The following SLCO2B1 variants were observed in gnomAD, a reference collection of about 807,000 sequenced individuals.
SLCO2B1 encodes the protein solute carrier organic anion transporter family member 2B1, also known as OATP-RP2.
SLCO2B1 carries 41 observed loss-of-function variants against 67.3 expected under a neutral mutation model. The ratio of observed to expected loss-of-function variants is 0.61; its 90% CI spans 0.47 to 0.79. The LOEUF (loss-of-function observed/expected upper bound fraction) is 0.79, where lower values mean the gene tolerates loss of function less well. SLCO2B1 is among the 30% of genes least tolerant of loss of function. The pLI is 0.00. For missense variants in SLCO2B1, 837 were observed against 920.1 expected (o/e 0.91, Z 1.17); for synonymous variants, 379 against 381.4 (o/e 0.99, Z 0.07).
At chr11:75,161,389 G>A (rs1014398186) in intron 1 of SLCO2B1, among the ~76,000 whole-genome samples, 4 of 152,174 alleles carry the variant, frequency 2.6e-5, no homozygotes, top group African/African-American at 9.7e-5. Context: ...CTTTGTAAAT[G>A]TACTAAAACC....
intron 7 of SLCO2B1, among the ~76,000 whole-genome samples, chr11:75,173,638 GGGTCACAAAACT>G (rs1016268359): frequency 6.6e-6 from 1 of 152,132 alleles, no homozygotes; most frequent in African/African-American, 2.4e-5. Flanking sequence ...GATTTGCCCA[GGGTCACAAAACT>G]GGTAGGAGAG....
At chr11:75,168,244 G>A (rs1949916460) in intron 4 of SLCO2B1, among the ~76,000 whole-genome samples, 1 of 152,138 alleles carries the variant, frequency 6.6e-6, no homozygotes, top group African/African-American at 2.4e-5. Flanking sequence ...GGCCCAGAGT[G>A]GGTAAGGGCC....
At chr11:75,177,948 G>A (rs1950045178) in intron 7 of SLCO2B1, among the ~76,000 whole-genome samples, 1 of 152,008 alleles carries the variant, frequency 6.6e-6, no homozygotes, top group Non-Finnish European at 1.5e-5. Context: ...ATAAAAATTA[G>A]CTGGGCATGA....
intron 7 of SLCO2B1, among the ~76,000 whole-genome samples, chr11:75,174,456 T>C (rs945113970): frequency 2.0e-5 from 3 of 151,900 alleles, no homozygotes; most frequent in African/African-American, 7.3e-5. Flanking sequence ...AGTGAGGGGA[T>C]AGAGGTGCAT....
intron 4 of SLCO2B1, among the ~76,000 whole-genome samples, chr11:75,167,253 G>A (rs923162073): frequency 2.8e-4 from 42 of 152,154 alleles, no homozygotes; most frequent in African/African-American, 9.9e-4. Flanking sequence ...ATGCAGAGTC[G>A]TTCTCTAGGC....
chr11:75,159,595 C>T (rs550712633), intron 1 of SLCO2B1, among the ~76,000 whole-genome samples: 4 of 152,158 alleles, frequency 2.6e-5, no homozygotes, highest in South Asian at 2.1e-4. Context: ...TTGCTGTCAG[C>T]GCGTCAGCAG....
intron 7 of SLCO2B1, among the ~76,000 whole-genome samples, chr11:75,175,879 G>A (rs1950017028): frequency 6.6e-6 from 1 of 152,218 alleles, no homozygotes; most frequent in Non-Finnish European, 1.5e-5. Context: ...TGGGGGGCAG[G>A]GGGCAATAGC....
In SLCO2B1 at chr11:75,151,320, C is replaced by T; in HGVS notation, c.-62C>T. 6.5e-7 allele frequency: 1 copy of T among 1,546,008 alleles called. No homozygotes were observed. The highest frequency in any genetic ancestry group is 8.9e-7 in the Non-Finnish European group (1 of 1,125,024). On this transcript the variant is annotated 5_prime_UTR_variant, in exon 1 of 14. Transcript: ENST00000289575. ...CCCTGAGAAGATTTGCTTCCTCTCC[C>T]CTGCTAAGCTCCAGGTCCTGAGATT... is the stretch of plus-strand genomic sequence containing the variant.
intron 8 of SLCO2B1, among the ~76,000 whole-genome samples, chr11:75,189,462 T>C (rs1944985860): frequency 6.6e-6 from 1 of 152,256 alleles, no homozygotes; most frequent in South Asian, 2.1e-4. Context: ...AAAAAAACTG[T>C]ACTTATATAT....
At chr11:75,152,243 C>T (rs944971867) in intron 1 of SLCO2B1, 8 of 152,306 alleles carry the variant, frequency 5.3e-5, no homozygotes, top group Admixed American at 2.0e-4. Context: ...GGGAGTACTC[C>T]AGGTTAGACG....
chr11:75,170,219 G>A (rs1949942229), intron 6 of SLCO2B1, among the ~76,000 whole-genome samples: 1 of 152,206 alleles, frequency 6.6e-6, no homozygotes, highest in Non-Finnish European at 1.5e-5. Flanking sequence ...TTTTGGAGCA[G>A]AACTTGGTGA....
intron 11 of SLCO2B1, 149 bp from the exon 12 acceptor site, chr11:75,202,752 G>A (rs146236656): frequency 1.4e-5 from 10 of 722,714 alleles, no homozygotes; most frequent in Admixed American, 2.1e-5. Context: ...GTACGTCCCT[G>A]AGCCCCCAGC....
At chr11:75,174,859 G>A (rs1313362296) in intron 7 of SLCO2B1, among the ~76,000 whole-genome samples, 3 of 152,324 alleles carry the variant, frequency 2.0e-5, no homozygotes, top group East Asian at 1.9e-4. Context: ...GGGAGACCAC[G>A]CTGGGCTCTG....
At chr11:75,197,762 C>T (rs567753761) in intron 10 of SLCO2B1, among the ~76,000 whole-genome samples, 1 of 152,310 alleles carries the variant, frequency 6.6e-6, no homozygotes, top group Non-Finnish European at 1.5e-5. Context: ...CTGTGCCAGG[C>T]CCTGTTCTGG....
intron 3 of SLCO2B1, among the ~76,000 whole-genome samples, chr11:75,164,687 TTG>T (rs1334542143): frequency 6.6e-6 from 1 of 152,132 alleles, no homozygotes; most frequent in Admixed American, 6.5e-5. Flanking sequence ...CTGAAGGAAG[TTG>T]TCTTTCTCCC....
At chr11:75,162,860 A>T in intron 2 of SLCO2B1, 75 bp downstream of exon 2, 2 of 1,511,026 alleles carry the variant, frequency 1.3e-6, no homozygotes, top group Non-Finnish European at 1.8e-6. Context: ...GTGTAATGCC[A>T]AGGAAGACTT....
rs974726118 is a variant in SLCO2B1 at position 75,169,504 on chromosome 11, C to A, written c.682+98C>A. 5 of 1,269,566 alleles carry A rather than the reference C, an allele frequency of 3.9e-6. No homozygotes were observed. In the Admixed American group the frequency reaches 6.9e-5, roughly 17 times the overall value. The allele number at this position is 1,269,566 out of a possible 1,614,324, so 78.6% of individuals were successfully genotyped here. Reference sequence around the variant, plus strand: ...TTGGGGCTGGAGATGGAATCCCTGCCCCCTGCCCCATCTGGCCAGTAAAGG... The same window carrying A: ...TTGGGGCTGGAGATGGAATCCCTGCACCCTGCCCCATCTGGCCAGTAAAGG... On this transcript the variant is annotated intron_variant, in intron 5 of 13. Coordinates refer to ENST00000289575, the MANE Select transcript of SLCO2B1 (RefSeq NM_007256.5).
chr11:75,154,733 G>T (rs375507325), intron 1 of SLCO2B1, among the ~76,000 whole-genome samples: 1 of 152,362 alleles, frequency 6.6e-6, no homozygotes, highest in Admixed American at 6.5e-5. Context: ...AGCTGGCTCT[G>T]CAGGAAGCCT....
chr11:75,155,126 G>A (rs186521815), intron 1 of SLCO2B1, among the ~76,000 whole-genome samples: 425 of 152,152 alleles, frequency 2.8e-3, no homozygotes, highest in African/African-American at 9.7e-3. Flanking sequence ...TGGCCCCTCC[G>A]CAAACCTGCC....
Sources: allele counts gnomAD v4.1 joint callset (sites outside exome capture counted in the v4.1 genomes callset), GRCh38; gene constraint gnomAD v4.1.1; transcripts MANE v1.5; gene names NCBI Gene and HGNC (gene_info 2026-07-23, HGNC 2026-07-21).